Variants in HMGN5 observed in about 807,000 individuals in gnomAD.
HMGN5 encodes the protein high mobility group nucleosome binding domain 5.
HMGN5 carries 4 observed loss-of-function variants against 9.5 expected under a neutral mutation model. That is an observed-to-expected ratio of 0.42 (90% CI 0.21 to 0.96). The LOEUF (loss-of-function observed/expected upper bound fraction) is 0.96. HMGN5 is among the 40% of genes least tolerant of loss of function. HMGN5 has a pLI of 0.30. For synonymous variants in HMGN5, 55 were observed against 57.1 expected (o/e 0.96, Z 0.16); for missense variants, 192 against 187.5 (o/e 1.02, Z -0.14).
Position 81,114,991 on chromosome X carries a change from A to C in HMGN5, c.507T>G (p.Asp169Glu). Residue 169 changes from aspartate (D) to glutamate (E), a missense_variant, in exon 7 of 7, where the codon GAT becomes GAG. Asp to Glu is a conservative substitution (Grantham distance 45). Transcript: ENST00000358130. ...TTTTTCCATCTTCTTTCTCTTTTGC[A>C]TCTTCTCCTTTCTCATTTCCATTTT... ...EDKNGNEKGEDAKEKEDGKKG... is the reference protein window; with the variant it reads ...EDKNGNEKGEEAKEKEDGKKG... The C allele has an allele frequency of 2.7e-6, 3 of 1,124,305 alleles. No individual in the cohort carries two copies. The highest frequency in any genetic ancestry group is 3.5e-6 in the Non-Finnish European group (3 of 856,552). 92.7% of individuals were successfully genotyped at this position (1,124,305 alleles called of 1,213,427 possible). A position where few individuals can be genotyped will look rare whatever the true frequency, so the allele number is the denominator to read the frequency against.
chrX:81,118,740 C>T lies in HMGN5; in HGVS notation c.65G>A (p.Arg22Lys). ...MRQEPKRRSA[R>K]LSAMLVPVTP... Reference sequence around the variant, plus strand: ...GAAAAGATTACTTACAGCAGACAACCTGGCAGATCTTCTCTTTGGCTATAA... The same window carrying T: ...GAAAAGATTACTTACAGCAGACAACTTGGCAGATCTTCTCTTTGGCTATAA... Residue 22 changes from arginine to lysine, a missense_variant, in exon 4 of 7, where the codon AGG becomes AAG. By Grantham distance (26) the Arg-to-Lys change is conservative. Transcript: ENST00000358130. The T allele has an allele frequency of 8.4e-7, 1 of 1,192,975 alleles. No homozygotes were observed. The highest frequency in any genetic ancestry group is 1.1e-6 in the Non-Finnish European group (1 of 882,733).
chrX:81,135,644 C>A (rs2075309164), intron 1 of HMGN5, among the ~76,000 whole-genome samples: 1 of 110,348 alleles, frequency 9.1e-6, no homozygotes, highest in African/African-American at 3.3e-5. Flanking sequence ...TCAATAGAGA[C>A]AAAAAATATC....
intron 1 of HMGN5, among the ~76,000 whole-genome samples, chrX:81,126,503 A>C (rs2075284021): frequency 8.9e-6 from 1 of 111,797 alleles, no homozygotes; most frequent in African/African-American, 3.3e-5. Context: ...GTCTAAAGTA[A>C]GTCTGGTGAA....
In HMGN5 at chrX:81,118,723, T is replaced by A; in HGVS notation, c.75+7A>T. The A allele has an allele frequency of 9.2e-6, 11 of 1,194,236 alleles. No homozygotes were observed. The highest frequency in any genetic ancestry group is 1.2e-5 in the Non-Finnish European group (11 of 884,491). ...TACATGGGCTGCTTTTTGAAAAGAT[T>A]ACTTACAGCAGACAACCTGGCAGAT... On this transcript the variant is annotated splice_region_variant and intron_variant, in intron 4 of 6. Coordinates refer to ENST00000358130, the MANE Select transcript of HMGN5 (RefSeq NM_030763.3).
At position 81,201,824 on chromosome X, in the gene HMGN5, G is replaced by C. The variant is rs2075528023; in HGVS notation, c.-211C>G. ...AGTACTTTTAGTCTCCGCGTGAAAAGGTCCTTCATGCTAATCTAATTCAAT... is the reference window on the plus strand; with the variant it reads ...AGTACTTTTAGTCTCCGCGTGAAAACGTCCTTCATGCTAATCTAATTCAAT... On this transcript the variant is annotated 5_prime_UTR_variant, in exon 1 of 7. Transcript: ENST00000358130. The C allele has an allele frequency of 5.5e-6, 1 of 181,836 alleles. No individual in the cohort carries two copies. Among genetic ancestry groups the C allele is most frequent in the Non-Finnish European group, 1.0e-5 (1 of 99,062 alleles). The allele number at this position is 181,836 out of a possible 1,213,427, so 15.0% of individuals were successfully genotyped here.
intron 1 of HMGN5, among the ~76,000 whole-genome samples, chrX:81,165,012 A>T (rs2075407283): frequency 1.8e-5 from 2 of 111,546 alleles, no homozygotes; most frequent in Non-Finnish European, 3.8e-5. Context: ...AATTTTATTG[A>T]ATGATTAAAT....
At chrX:81,146,683 C>A (rs1269306435) in intron 1 of HMGN5, among the ~76,000 whole-genome samples, 2 of 111,234 alleles carry the variant, frequency 1.8e-5, no homozygotes, top group African/African-American at 6.5e-5. Flanking sequence ...CATAAAAAAC[C>A]CTTCAAAAAA....
intron 1 of HMGN5, among the ~76,000 whole-genome samples, chrX:81,165,220 G>A (rs1213844940): frequency 9.0e-6 from 1 of 110,791 alleles, no homozygotes; most frequent in Non-Finnish European, 1.9e-5. Flanking sequence ...AGCTGATGAT[G>A]CCTACATTTC....
chrX:81,163,465 G>C (rs1238177994), intron 1 of HMGN5, among the ~76,000 whole-genome samples: 1 of 112,046 alleles, frequency 8.9e-6, no homozygotes, highest in East Asian at 2.8e-4. Context: ...TCAAGTTCTA[G>C]ACAGACAGGT....
intron 1 of HMGN5, among the ~76,000 whole-genome samples, chrX:81,155,102 T>TATATATATAC (rs1407923805): frequency 1.1e-4 from 10 of 91,062 alleles, no homozygotes; most frequent in Admixed American, 5.2e-4. Flanking sequence ...TATATATATA[T>TATATATATAC]ACACACACAC....
chrX:81,126,147 CAAAAA>C (rs776769640), intron 1 of HMGN5, among the ~76,000 whole-genome samples: 689 of 47,738 alleles, frequency 0.014, 6 homozygotes, highest in African/African-American at 0.05. Context: ...GACGCAGTCT[CAAAAA>C]AAAAAAAAAA....
In HMGN5 at chrX:81,114,906, C is replaced by T; in HGVS notation, c.592G>A (p.Glu198Lys). ...CCTGTTTCTTTTCTGTCTTCTTCCT[C>T]TTTTTCATCTTCTCCTTTCTCTTTT... ...DGKEKGEDEK[E>K]EEDRKETGDG... The change falls in exon 7 of 7, where the codon GAG (glutamate) becomes AAG (lysine). Residue 198 changes from glutamate to lysine, a missense_variant. Transcript: ENST00000358130. 1 of 1,162,766 alleles carries T rather than the reference C, an allele frequency of 8.6e-7. No individual in the cohort carries two copies. The highest frequency in any genetic ancestry group is 1.1e-6 in the Non-Finnish European group (1 of 871,780).
intron 1 of HMGN5, among the ~76,000 whole-genome samples, chrX:81,188,990 G>A (rs1044653683): frequency 1.8e-5 from 2 of 111,512 alleles, no homozygotes; most frequent in African/African-American, 6.5e-5. Context: ...ATTTCTCATG[G>A]CTTATTAATG....
chrX:81,187,270 A>G (rs955282894), intron 1 of HMGN5, among the ~76,000 whole-genome samples: 3 of 111,434 alleles, frequency 2.7e-5, no homozygotes, highest in Non-Finnish European at 3.8e-5. Flanking sequence ...TTTCTGGAAG[A>G]GCTGTCCAAT....
chrX:81,181,196 TA>T (rs772474331), intron 1 of HMGN5, among the ~76,000 whole-genome samples: 3 of 111,655 alleles, frequency 2.7e-5, no homozygotes, highest in African/African-American at 9.8e-5. Flanking sequence ...TACAGTATAA[TA>T]AAAAAACATT....
intron 1 of HMGN5, among the ~76,000 whole-genome samples, chrX:81,193,105 T>A (rs1313336939): frequency 1.8e-5 from 2 of 111,795 alleles, no homozygotes; most frequent in Non-Finnish European, 3.8e-5. Flanking sequence ...TAAAGGTTCC[T>A]TTGGAGTCCA....
At chrX:81,156,235 C>T (rs2075382534) in intron 1 of HMGN5, among the ~76,000 whole-genome samples, 1 of 111,878 alleles carries the variant, frequency 8.9e-6, no homozygotes, top group Non-Finnish European at 1.9e-5. Flanking sequence ...ATGTTTGCCT[C>T]CAAAGTAGTA....
At chrX:81,143,806 G>T (rs1300272823) in intron 1 of HMGN5, among the ~76,000 whole-genome samples, 2 of 112,014 alleles carry the variant, frequency 1.8e-5, no homozygotes, top group African/African-American at 6.5e-5. Context: ...GCTCAAGCTT[G>T]GTGGGGGGAG....
chrX:81,149,372 A>G (rs757063182), intron 1 of HMGN5, among the ~76,000 whole-genome samples: 2 of 111,634 alleles, frequency 1.8e-5, no homozygotes, highest in East Asian at 5.7e-4. Flanking sequence ...GCAAACTAAC[A>G]CAAGCACAGA....
Sources: allele counts gnomAD v4.1 joint callset (sites outside exome capture counted in the v4.1 genomes callset), GRCh38; gene constraint gnomAD v4.1.1; transcripts MANE v1.5; gene names NCBI Gene and HGNC (gene_info 2026-07-23, HGNC 2026-07-21).